The following CSMD1 variants were observed in gnomAD, a reference collection of about 807,000 sequenced individuals.
CSMD1 encodes CUB and Sushi multiple domains 1.
A neutral mutation model predicts 417.5 loss-of-function variants in CSMD1; 213 were observed. That is an observed-to-expected ratio of 0.51 (90% CI 0.46 to 0.57). The LOEUF is 0.57. CSMD1 is among the 20% of genes least tolerant of loss of function. The probability of loss-of-function intolerance (pLI) is 0.00; values close to 1 mark genes in which losing one functional copy is unlikely to be tolerated. For missense variants in CSMD1, 6,923 were observed against 4,529.7 expected (o/e 1.53, Z -15.17); for synonymous variants, 2,862 against 1,736.8 (o/e 1.65, Z -16.11).
chr8:4,041,773 G>C (rs1283987429), intron 3 of CSMD1, among the ~76,000 whole-genome samples: 1 of 151,986 alleles, frequency 6.6e-6, no homozygotes, highest in South Asian at 2.1e-4. Context: ...ATGTTGTCTT[G>C]AGACATGGGA....
chr8:3,595,742 T>C (rs1801060061), intron 8 of CSMD1, among the ~76,000 whole-genome samples: 1 of 152,218 alleles, frequency 6.6e-6, no homozygotes, highest in African/African-American at 2.4e-5. Flanking sequence ...TGTTATAAGT[T>C]CATGTAAACC....
chr8:4,313,793 A>C (rs1376488603), intron 3 of CSMD1, among the ~76,000 whole-genome samples: 1 of 151,998 alleles, frequency 6.6e-6, no homozygotes, highest in Non-Finnish European at 1.5e-5. Flanking sequence ...AGGCAGGCGG[A>C]TCAAAAGGTC....
intron 5 of CSMD1, among the ~76,000 whole-genome samples, chr8:3,877,647 T>C (rs1477534976): frequency 6.6e-6 from 1 of 151,172 alleles, no homozygotes; most frequent in African/African-American, 2.5e-5. Flanking sequence ...TACAGTAGAA[T>C]GTCTATTTTC....
chr8:4,901,678 C>G (rs1366229540), intron 1 of CSMD1, among the ~76,000 whole-genome samples: 2 of 151,968 alleles, frequency 1.3e-5, no homozygotes, highest in Non-Finnish European at 2.9e-5. Context: ...TTAAAAAATC[C>G]AACTGGCAGT....
chr8:2,976,151 G>C (rs956402186), intron 55 of CSMD1, among the ~76,000 whole-genome samples: 1 of 151,438 alleles, frequency 6.6e-6, no homozygotes, highest in Non-Finnish European at 1.5e-5. Flanking sequence ...GGAATTAATT[G>C]AATTGTTGAA....
chr8:3,096,838 A>C lies in CSMD1; in HGVS notation c.7138+11T>G, dbSNP rs1434016067. 2.6e-6 allele frequency: 4 copies of C among 1,533,686 alleles called. No individual in the cohort carries two copies. Among genetic ancestry groups the C allele is most frequent in the Admixed American group, 4.0e-5 (2 of 49,542 alleles). ...CGAGGTCACTGCTCTACAAAGATTA[A>C]AGAAACTTACCATCAAACACTTCCA... On this transcript the variant is annotated intron_variant, in intron 47 of 69. Coordinates refer to ENST00000635120, the MANE Select transcript of CSMD1 (RefSeq NM_033225.6).
At chr8:3,009,030 G>A (rs1354671323) in intron 52 of CSMD1, among the ~76,000 whole-genome samples, 7 of 152,162 alleles carry the variant, frequency 4.6e-5, no homozygotes, top group African/African-American at 9.7e-5. Flanking sequence ...CACTTCTCCC[G>A]CAGAAACCCC....
chr8:3,059,252 C>A (rs1358581552), intron 49 of CSMD1, among the ~76,000 whole-genome samples: 15 of 140,132 alleles, frequency 1.1e-4, no homozygotes, highest in African/African-American at 3.5e-4. Flanking sequence ...CCCCAGACAT[C>A]AAAAAAAAAA....
chr8:4,417,622 G>T (rs1307515679), intron 3 of CSMD1, among the ~76,000 whole-genome samples: 1 of 151,712 alleles, frequency 6.6e-6, no homozygotes, highest in African/African-American at 2.4e-5. Context: ...TCTATTATTT[G>T]ACTCATACCA....
At chr8:3,915,286 G>C (rs572746530) in intron 5 of CSMD1, among the ~76,000 whole-genome samples, 1 of 151,462 alleles carries the variant, frequency 6.6e-6, no homozygotes, top group African/African-American at 2.4e-5. Context: ...TGTGCCTGTA[G>C]TCTCAGCTAT....
intron 5 of CSMD1, among the ~76,000 whole-genome samples, chr8:3,773,559 T>C (rs754289158): frequency 6.6e-6 from 1 of 152,130 alleles, no homozygotes; most frequent in Non-Finnish European, 1.5e-5. Context: ...ACTGCTGAAA[T>C]TACAGGCATG....
rs1799335113 is a variant in CSMD1 at position 3,784,391 on chromosome 8, GC to G, written c.819-30350del. 2.0e-5 allele frequency among the ~76,000 whole-genome samples: 3 copies of G among 152,090 alleles called. No homozygotes were observed. In the South Asian group the frequency reaches 6.2e-4, roughly 32 times the overall value. ...CAATGAGAAATCACACGATTCTTCAGCCCAGAAATAACTGCTGTTAGTATTA... is the reference window on the plus strand; with the variant it reads ...CAATGAGAAATCACACGATTCTTCAGCCAGAAATAACTGCTGTTAGTATTA... On this transcript the variant is annotated intron_variant, in intron 5 of 69. Transcript: ENST00000635120.
At chr8:4,813,268 C>A (rs377751480) in intron 1 of CSMD1, among the ~76,000 whole-genome samples, 19 of 152,010 alleles carry the variant, frequency 1.2e-4, no homozygotes, top group African/African-American at 4.3e-4. Flanking sequence ...TAGTAATGAT[C>A]TTTCTGTTAA....
intron 54 of CSMD1, among the ~76,000 whole-genome samples, chr8:2,987,937 G>C (rs888822372): frequency 3.3e-5 from 5 of 152,172 alleles, no homozygotes; most frequent in African/African-American, 4.8e-5. Context: ...GTGCAGGTTT[G>C]TTCCATAGGT....
intron 3 of CSMD1, among the ~76,000 whole-genome samples, chr8:4,197,942 C>G (rs764123446): frequency 6.6e-6 from 1 of 152,184 alleles, no homozygotes; most frequent in Non-Finnish European, 1.5e-5. Flanking sequence ...ATTCTGTACA[C>G]ATTGTCTTCT....
chr8:3,374,484 G>A (rs758395379), intron 18 of CSMD1, among the ~76,000 whole-genome samples: 19 of 152,246 alleles, frequency 1.2e-4, no homozygotes, highest in South Asian at 4.1e-4. Flanking sequence ...TCCAGATAAC[G>A]AGGTCTGATT....
chr8:4,495,977 G>C (rs1445346595), intron 2 of CSMD1, among the ~76,000 whole-genome samples: 5 of 152,174 alleles, frequency 3.3e-5, no homozygotes, highest in African/African-American at 1.2e-4. Context: ...AGTGCAAATA[G>C]TCTGGCCTTC....
chr8:3,683,962 C>T (rs1428402665), intron 7 of CSMD1, among the ~76,000 whole-genome samples: 3 of 151,694 alleles, frequency 2.0e-5, no homozygotes, highest in African/African-American at 4.8e-5. Context: ...ACACCTTTTG[C>T]TTCATGTGAT....
At chr8:3,302,244 C>T (rs1238357370) in intron 25 of CSMD1, among the ~76,000 whole-genome samples, 1 of 152,278 alleles carries the variant, frequency 6.6e-6, no homozygotes, top group African/African-American at 2.4e-5. Context: ...ACCATTTTAT[C>T]TCTTGTGCTT....
Sources: gnomAD v4.1 joint callset for allele counts (sites outside exome capture counted in the v4.1 genomes callset) on GRCh38, gnomAD v4.1.1 for gene constraint, MANE v1.5 for transcripts, NCBI Gene and HGNC (gene_info 2026-07-23, HGNC 2026-07-21) for gene names.